The following NEGR1 variants were observed in gnomAD, a reference collection of about 807,000 sequenced individuals.
The protein encoded by NEGR1 is neuronal growth regulator 1, also known as IgLON family member 4.
In NEGR1, 10 loss-of-function variants were observed where a neutral mutation model predicts 40.9. That is an observed-to-expected ratio of 0.24 (90% CI 0.15 to 0.42). NEGR1 has a LOEUF of 0.42. Ranked by LOEUF, NEGR1 falls within the 10% of genes least tolerant of loss-of-function variation. The pLI is 1.00. For synonymous variants in NEGR1, 185 were observed against 166.8 expected (o/e 1.11, Z -0.84); for missense variants, 352 against 438.9 (o/e 0.80, Z 1.77).
chr1:71,724,871 T>G (rs1654622951), intron 3 of NEGR1, among the ~76,000 whole-genome samples: 1 of 152,078 alleles, frequency 6.6e-6, no homozygotes, highest in African/African-American at 2.4e-5. Context: ...CTAACCACCT[T>G]GCTCCCTCTG....
At chr1:71,840,946 C>T (rs1184444060) in intron 2 of NEGR1, among the ~76,000 whole-genome samples, 2 of 152,158 alleles carry the variant, frequency 1.3e-5, no homozygotes, top group African/African-American at 4.8e-5. Context: ...GGCGAGCAGC[C>T]TTTGGTCTTT....
At chr1:71,515,755 C>G (rs1377835191) in intron 6 of NEGR1, among the ~76,000 whole-genome samples, 2 of 138,018 alleles carry the variant, frequency 1.4e-5, no homozygotes, top group East Asian at 4.1e-4. Context: ...GGACTAAATG[C>G]TCCAATTAAA....
At chr1:71,652,369 C>T (rs1438056210) in intron 4 of NEGR1, among the ~76,000 whole-genome samples, 1 of 151,868 alleles carries the variant, frequency 6.6e-6, no homozygotes, top group Non-Finnish European at 1.5e-5. Flanking sequence ...CTGGTTAATT[C>T]CAGTCTTTTT....
rs1446208554 is a variant in NEGR1 at position 72,140,740 on chromosome 1, A to C, written c.176+141579T>G. On this transcript the variant is annotated intron_variant, in intron 1 of 6. Transcript: ENST00000357731. ...TATATTTTGTTAAATGTTAGTGAAG[A>C]ATATACTCAAAATTATACGTATGTA... Among the ~76,000 whole-genome samples, 3 of 152,064 alleles carry C rather than the reference A, an allele frequency of 2.0e-5. No homozygotes were observed. The East Asian group carries it at 5.8e-4, about 29-fold the overall frequency.
At chr1:71,425,642 C>T (rs555743087) in intron 6 of NEGR1, among the ~76,000 whole-genome samples, 9 of 152,180 alleles carry the variant, frequency 5.9e-5, no homozygotes, top group Non-Finnish European at 1.2e-4. Flanking sequence ...GTGTGCACCC[C>T]TCCACACACT....
intron 1 of NEGR1, among the ~76,000 whole-genome samples, chr1:72,088,888 G>A (rs1350334347): frequency 7.4e-6 from 1 of 135,336 alleles, no homozygotes; most frequent in Non-Finnish European, 1.5e-5. Context: ...TCAGCTCACT[G>A]CAACCTCCGC....
At chr1:71,524,729 G>T (rs1647196910) in intron 6 of NEGR1, among the ~76,000 whole-genome samples, 1 of 151,662 alleles carries the variant, frequency 6.6e-6, no homozygotes, top group African/African-American at 2.4e-5. Context: ...ATGATTAGCT[G>T]ACTTTAAAAT....
At chr1:71,651,589 T>G (rs1401070955) in intron 4 of NEGR1, among the ~76,000 whole-genome samples, 3 of 152,178 alleles carry the variant, frequency 2.0e-5, no homozygotes, top group Non-Finnish European at 2.9e-5. Context: ...TTTATCCAGA[T>G]AGCTCAACTG....
At chr1:71,655,307 T>G (rs1326180685) in intron 4 of NEGR1, among the ~76,000 whole-genome samples, 1 of 152,178 alleles carries the variant, frequency 6.6e-6, no homozygotes, top group Non-Finnish European at 1.5e-5. Context: ...AAGTGTATTT[T>G]AGAGAAGTGA....
At chr1:71,731,735 T>G (rs1157606462) in intron 3 of NEGR1, among the ~76,000 whole-genome samples, 1 of 152,206 alleles carries the variant, frequency 6.6e-6, no homozygotes, top group Admixed American at 6.5e-5. Context: ...ACTGATATAT[T>G]GTTTTCATAT....
intron 1 of NEGR1, among the ~76,000 whole-genome samples, chr1:71,946,903 C>A (rs1429728838): frequency 6.6e-6 from 1 of 151,572 alleles, no homozygotes; most frequent in Non-Finnish European, 1.5e-5. Context: ...CATAACAAAA[C>A]CCCATCTCTA....
intron 6 of NEGR1, among the ~76,000 whole-genome samples, chr1:71,427,999 C>CAT (rs370285776): frequency 1.5e-3 from 1 of 684 alleles, no homozygotes; most frequent in Non-Finnish European, 0.031. Flanking sequence ...ATAACACACT[C>CAT]ACACACACAC....
At chr1:71,610,840 G>A (rs1282479752) in intron 5 of NEGR1, among the ~76,000 whole-genome samples, 186 bp downstream of exon 5, 5 of 152,124 alleles carry the variant, frequency 3.3e-5, no homozygotes, top group Admixed American at 1.3e-4. Context: ...AACCAAAGTG[G>A]ACATTTCTTC....
At chr1:71,838,739 T>C (rs974328160) in intron 2 of NEGR1, among the ~76,000 whole-genome samples, 2 of 151,982 alleles carry the variant, frequency 1.3e-5, no homozygotes, top group Non-Finnish European at 2.9e-5. Context: ...AGAGAGTATA[T>C]CAAGCAATAA....
chr1:71,901,109 T>C (rs1046924705), intron 2 of NEGR1, among the ~76,000 whole-genome samples: 1 of 152,206 alleles, frequency 6.6e-6, no homozygotes, highest in Non-Finnish European at 1.5e-5. Flanking sequence ...CTGTGATTTG[T>C]TGAAGTGTCA....
At chr1:72,254,250 G>A (rs1655192592) in intron 1 of NEGR1, among the ~76,000 whole-genome samples, 1 of 152,114 alleles carries the variant, frequency 6.6e-6, no homozygotes, top group Non-Finnish European at 1.5e-5. Context: ...TGTCCTAGTA[G>A]AACTGTATGT....
At chr1:71,941,759 C>T (rs1645961607) in intron 1 of NEGR1, among the ~76,000 whole-genome samples, 1 of 144,708 alleles carries the variant, frequency 6.9e-6, no homozygotes, top group East Asian at 1.9e-4. Context: ...GTTAACATTA[C>T]TATGCACCAG....
chr1:71,823,629 T>C (rs760004569), intron 2 of NEGR1, among the ~76,000 whole-genome samples: 9 of 152,164 alleles, frequency 5.9e-5, no homozygotes, highest in South Asian at 2.1e-4. Flanking sequence ...GCCTGTAATC[T>C]AAGGACAGGT....
At chr1:72,096,863 A>G (rs990962553) in intron 1 of NEGR1, among the ~76,000 whole-genome samples, 17 of 151,610 alleles carry the variant, frequency 1.1e-4, no homozygotes, top group African/African-American at 3.9e-4. Flanking sequence ...GTTTTGTTTT[A>G]AGTAGAGACA....
Sources: allele counts gnomAD v4.1 joint callset (sites outside exome capture counted in the v4.1 genomes callset), GRCh38; gene constraint gnomAD v4.1.1; transcripts MANE v1.5; gene names NCBI Gene and HGNC (gene_info 2026-07-23, HGNC 2026-07-21).